XPNPEP1: variants seen among roughly 807,000 people sequenced by gnomAD.
XPNPEP1 encodes the protein xaa-Pro aminopeptidase 1.
Under a neutral mutation model 92.4 loss-of-function variants are expected in XPNPEP1, and 39 were observed. The ratio of observed to expected loss-of-function variants is 0.42; its 90% confidence interval spans 0.33 to 0.55. The LOEUF (loss-of-function observed/expected upper bound fraction) is 0.55. Ranked by LOEUF, XPNPEP1 falls within the 20% of genes least tolerant of loss-of-function variation. The pLI, the probability that XPNPEP1 is intolerant of heterozygous loss-of-function variation, is 0.08. For synonymous variants in XPNPEP1, 307 were observed against 299.4 expected, an observed-to-expected ratio of 1.03 and a Z score of -0.26; for missense variants, 654 against 856.1, an observed-to-expected ratio of 0.76 and a Z score of 2.95.
chr10:109,891,946 T>C, intron 4 of XPNPEP1, 120 bp from the exon 5 acceptor site: 2 of 852,714 alleles, frequency 2.3e-6, no homozygotes, highest in Non-Finnish European at 3.6e-6. Context: ...GTGGGGCAGA[T>C]GGGTCCTTGA....
In XPNPEP1 at chr10:109,915,047, C is replaced by T. The variant is rs879219264; in HGVS notation, c.85G>A (p.Glu29Lys). The stretch of plus-strand genomic sequence containing the variant: ...CCTGTGTCTCCTGAGTGTGTCACCT[C>T]GTTAGGTTCAATTATTCTTAAATTT... ...LRNLRIIEPN[E>K]VTHSGDTGVE... The change falls in exon 2 of 21, where the codon GAG (glutamate) becomes AAG (lysine). Residue 29 changes from glutamate (E) to lysine (K), a missense_variant. Physicochemically the swap from Glu to Lys is moderately conservative, Grantham distance 56 (BLOSUM62 1). Transcript: ENST00000502935. 12 of 1,530,768 alleles carry T rather than the reference C, an allele frequency of 7.8e-6. No homozygotes were observed. The East Asian group carries it at 1.7e-4, about 22-fold the overall frequency. 94.8% of individuals were successfully genotyped at this position (1,530,768 alleles called of 1,614,324 possible).
Position 109,907,574 on chromosome 10 carries a change from C to G in XPNPEP1, c.246+117G>C, listed in dbSNP as rs1057334419. ...ATTGGACACAGATCCCCATAGCAAG[C>G]CCTGGAAGGGCTTGGTTGTGGCCCT... On this transcript the variant is annotated intron_variant, in intron 3 of 20. Coordinates refer to ENST00000502935, the MANE Select transcript of XPNPEP1 (RefSeq NM_020383.4). 6.7e-6 allele frequency: 10 copies of G among 1,498,058 alleles called. No homozygotes were observed. In the African/African-American group the frequency reaches 1.3e-4, roughly 19 times the overall value. The allele number at this position is 1,498,058 out of a possible 1,614,324, so 92.8% of individuals were successfully genotyped here.
At chr10:109,890,579 TGTGTGTGTGTGTGTGAGA>T (rs1334354751) in intron 5 of XPNPEP1, among the ~76,000 whole-genome samples, 9 of 90,756 alleles carry the variant, frequency 9.9e-5, no homozygotes, top group Admixed American at 8.3e-4. Context: ...TGTGTGTGTG[TGTGTGTGTGTGTGTGAGA>T]GAGAGAGAGA....
intron 3 of XPNPEP1, among the ~76,000 whole-genome samples, chr10:109,907,191 G>A (rs1849602082): frequency 1.3e-5 from 2 of 152,188 alleles, no homozygotes; most frequent in African/African-American, 4.8e-5. Context: ...AGTGAGAGCA[G>A]ACATTCAACC....
At chr10:109,914,937 C>G in intron 2 of XPNPEP1, 74 bp downstream of exon 2, 1 of 932,118 alleles carries the variant, frequency 1.1e-6, no homozygotes, top group Non-Finnish European at 1.5e-6. Context: ...CTTCTTCTCA[C>G]CCAACCTGGG....
intron 6 of XPNPEP1, 56 bp from the exon 7 acceptor site, chr10:109,888,248 G>T (rs2273739): frequency 3.2e-6 from 5 of 1,582,258 alleles, no homozygotes; most frequent in Admixed American, 1.7e-5. Flanking sequence ...CAGCAGGGCA[G>T]GGAGCAGGGC....
intron 5 of XPNPEP1, among the ~76,000 whole-genome samples, chr10:109,889,714 T>C (rs1848595221): frequency 6.6e-6 from 1 of 152,252 alleles, no homozygotes; most frequent in South Asian, 2.1e-4. Context: ...AACATCTTGA[T>C]AAAATATACA....
intron 7 of XPNPEP1, among the ~76,000 whole-genome samples, chr10:109,887,207 G>GA (rs1258118261): frequency 1.3e-5 from 2 of 152,062 alleles, no homozygotes; most frequent in Non-Finnish European, 2.9e-5. Flanking sequence ...CTGCTCTAGT[G>GA]AAAAAAACTT....
chr10:109,891,911 G>T, intron 4 of XPNPEP1, 85 bp from the exon 5 acceptor site: 2 of 1,335,996 alleles, frequency 1.5e-6, no homozygotes, highest in Non-Finnish European at 1.0e-6. Context: ...AGACAGGCAA[G>T]AGCAGTAAGA....
rs571518575 is a variant in XPNPEP1, at chr10:109,882,614, C to T, written c.859G>A (p.Ala287Thr). The T allele has an allele frequency of 1.1e-5, 17 of 1,613,926 alleles. No homozygotes were observed. Among genetic ancestry groups the T allele is most frequent in the Admixed American group, 3.3e-5 (2 of 59,990 alleles). ...AGCAGGTGCTCCTTCACACTGGGGG[C>T]GTCTATGCGGTCACCATCAATGAAG... ...MLFIDGDRID[A>T]PSVKEHLLLD... Residue 287 changes from alanine (A) to threonine (T), a missense_variant, in exon 10 of 21, where the codon GCC (alanine) becomes ACC (threonine). Physicochemically the swap from Ala to Thr is moderately conservative, Grantham distance 58. Coordinates refer to ENST00000502935, the MANE Select transcript of XPNPEP1 (RefSeq NM_020383.4).
At chr10:109,870,144 G>C in intron 18 of XPNPEP1, 115 bp from the exon 19 acceptor site, 1 of 1,135,908 alleles carries the variant, frequency 8.8e-7, no homozygotes, top group Non-Finnish European at 1.3e-6. Context: ...AACGGGTGAA[G>C]AGCCCACTCT....
chr10:109,922,533 C>G (rs1212614102), intron 1 of XPNPEP1, among the ~76,000 whole-genome samples: 3 of 152,164 alleles, frequency 2.0e-5, no homozygotes, highest in Non-Finnish European at 2.9e-5. Context: ...TTTGGGACCC[C>G]CCTACTCACA....
intron 3 of XPNPEP1, among the ~76,000 whole-genome samples, chr10:109,894,627 G>A (rs1390599499): frequency 1.3e-5 from 2 of 151,332 alleles, no homozygotes; most frequent in African/African-American, 2.4e-5. Context: ...CCTCCAGGGA[G>A]ATACTAGAAG....
intron 2 of XPNPEP1, among the ~76,000 whole-genome samples, chr10:109,912,971 G>A (rs756250541): frequency 1.4e-4 from 22 of 152,204 alleles, no homozygotes; most frequent in Non-Finnish European, 3.2e-4. Flanking sequence ...GCTGTATTAT[G>A]ACATCTGCTC....
intron 14 of XPNPEP1, 176 bp downstream of exon 14, chr10:109,877,614 G>C: frequency 2.5e-6 from 2 of 784,696 alleles, no homozygotes; most frequent in Non-Finnish European, 4.0e-6. Flanking sequence ...AAAAGGCAGA[G>C]GCTTGGGGAT....
intron 18 of XPNPEP1, 115 bp from the exon 19 acceptor site, chr10:109,870,144 G>A: frequency 8.8e-7 from 1 of 1,135,908 alleles, no homozygotes; most frequent in Non-Finnish European, 1.3e-6. Flanking sequence ...AACGGGTGAA[G>A]AGCCCACTCT....
At chr10:109,905,217 T>C (rs980682970) in intron 3 of XPNPEP1, among the ~76,000 whole-genome samples, 1 of 152,300 alleles carries the variant, frequency 6.6e-6, no homozygotes, top group Admixed American at 6.5e-5. Context: ...GGCAAACTTT[T>C]TTTTTTGAGA....
At chr10:109,910,538 C>CT (rs1274759111) in intron 2 of XPNPEP1, among the ~76,000 whole-genome samples, 3 of 148,334 alleles carry the variant, frequency 2.0e-5, no homozygotes, top group African/African-American at 7.5e-5. Flanking sequence ...AAGCGAAACT[C>CT]TGTCTCAAAA....
At chr10:109,871,515 T>C (rs916175326) in intron 17 of XPNPEP1, among the ~76,000 whole-genome samples, 3 of 152,196 alleles carry the variant, frequency 2.0e-5, no homozygotes, top group Non-Finnish European at 4.4e-5. Flanking sequence ...ATCTGGTTTG[T>C]CCTCTCCTGG....
Sources: allele counts gnomAD v4.1 joint callset (sites outside exome capture counted in the v4.1 genomes callset), GRCh38; gene constraint gnomAD v4.1.1; transcripts MANE v1.5; gene names NCBI Gene and HGNC (gene_info 2026-07-23, HGNC 2026-07-21).